The following ZNF782 variants were observed in gnomAD, a reference collection of about 807,000 sequenced individuals.
ZNF782 encodes the protein zinc finger protein 782.
ZNF782 carries 12 observed loss-of-function variants against 13.0 expected under a neutral mutation model. That is an observed-to-expected ratio of 0.92 (90% CI 0.59 to 1.50). The LOEUF (loss-of-function observed/expected upper bound fraction) is 1.50. Among genes scored for constraint, ZNF782 ranks in the 40% most tolerant of loss-of-function variants. ZNF782 has a pLI of 0.00. For synonymous variants in ZNF782, 284 were observed against 283.0 expected (o/e 1.00, Z -0.04); for missense variants, 770 against 822.9 (o/e 0.94, Z 0.79).
chr9:96,818,815 A>C lies in ZNF782; in HGVS notation c.1208T>G (p.Phe403Cys). Residue 403 changes from phenylalanine (F) to cysteine (C), a missense_variant, in exon 6 of 6, where the codon TTC becomes TGC. Physicochemically the swap from Phe to Cys is radical, Grantham distance 205. Transcript: ENST00000481138. Reference protein sequence around the residue: ...PYECPECGKAFSEKSRLRKHQ... With the variant: ...PYECPECGKACSEKSRLRKHQ... ...TTTTCTTAGGCGTGACTTCTCACTG[A>C]AGGCTTTCCCGCACTCAGGACATTC... 6.2e-7 allele frequency: 1 copy of C among 1,613,986 alleles called. No homozygotes were observed. The highest frequency in any genetic ancestry group is 1.3e-5 in the African/African-American group (1 of 74,984).
upstream of ZNF782, among the ~76,000 whole-genome samples, chr9:96,855,929 A>AT (rs1488277982): frequency 5.3e-5 from 8 of 151,930 alleles, no homozygotes; most frequent in African/African-American, 1.9e-4. Flanking sequence ...CTATTTTTTG[A>AT]TTTTTTGATT....
upstream of ZNF782, among the ~76,000 whole-genome samples, chr9:96,876,682 C>A (rs1851895347): frequency 6.6e-6 from 1 of 151,942 alleles, no homozygotes; most frequent in Non-Finnish European, 1.5e-5. Flanking sequence ...GAAACAAAAA[C>A]CAAAAAATAC....
upstream of ZNF782, among the ~76,000 whole-genome samples, chr9:96,858,912 C>CAAAGTGCAA (rs1368859334): frequency 6.6e-6 from 1 of 152,172 alleles, no homozygotes; most frequent in Admixed American, 6.5e-5. The surrounding 1 kb of genome is among the most constrained non-coding windows in gnomAD (Gnocchi z 4.4). Flanking sequence ...GCACTGAACT[C>CAAAGTGCAA]AGTGCTGCCT....
chr9:96,929,826 A>C, the ZNF782 span, among the ~76,000 whole-genome samples: 5 of 151,858 alleles, frequency 3.3e-5, no homozygotes, highest in African/African-American at 1.2e-4. Context: ...TGTGGAGGTG[A>C]AGAATTTGCT....
upstream of ZNF782, among the ~76,000 whole-genome samples, chr9:96,878,584 A>G (rs1851924221): frequency 6.6e-6 from 1 of 152,202 alleles, no homozygotes; most frequent in Non-Finnish European, 1.5e-5. Flanking sequence ...TTCTTTTAAC[A>G]TGTAAAATTG....
At chr9:96,828,372 T>A (rs1349992930) in intron 4 of ZNF782, among the ~76,000 whole-genome samples, 2 of 152,178 alleles carry the variant, frequency 1.3e-5, no homozygotes, top group African/African-American at 4.8e-5. Flanking sequence ...CTTAACTACA[T>A]CCCAGAAAAG....
At chr9:96,831,939 T>G (rs1369605828) in intron 4 of ZNF782, among the ~76,000 whole-genome samples, 2 of 152,184 alleles carry the variant, frequency 1.3e-5, no homozygotes, top group Non-Finnish European at 2.9e-5. Context: ...TTAGGTGAAT[T>G]TTAAAAACCA....
chr9:96,843,808 C>T (rs953463857), intron 4 of ZNF782, among the ~76,000 whole-genome samples: 3 of 151,774 alleles, frequency 2.0e-5, no homozygotes, highest in Admixed American at 1.3e-4. Flanking sequence ...AAAATATATG[C>T]AAAAAATCAA....
the ZNF782 span, among the ~76,000 whole-genome samples, chr9:96,920,291 G>A: frequency 6.8e-6 from 1 of 146,446 alleles, no homozygotes; most frequent in East Asian, 2.1e-4. Flanking sequence ...TTTTGAGATG[G>A]AGTCTCCCTC....
upstream of ZNF782, among the ~76,000 whole-genome samples, chr9:96,877,561 TC>T (rs1851909336): frequency 6.6e-6 from 1 of 152,216 alleles, no homozygotes; most frequent in South Asian, 2.1e-4. Flanking sequence ...ACTGGGGGCT[TC>T]CCCATAGGCC....
intron 4 of ZNF782, among the ~76,000 whole-genome samples, chr9:96,838,876 T>A (rs957273529): frequency 6.6e-6 from 1 of 151,892 alleles, no homozygotes; most frequent in African/African-American, 2.4e-5. Flanking sequence ...CCACCACGCC[T>A]GGCTAATTTT....
the ZNF782 span, chr9:96,892,319 T>C: frequency 6.6e-6 from 1 of 152,222 alleles, no homozygotes; most frequent in Admixed American, 6.5e-5. Context: ...ATGTGGCATA[T>C]GCACACAATG....
At chr9:96,931,730 G>A in the ZNF782 span, 54 of 1,611,560 alleles carry the variant, frequency 3.4e-5, 1 homozygote, top group African/African-American at 5.8e-4. Context: ...AGCATACCCA[G>A]TGCTGGGACC....
At chr9:96,868,362 A>G (rs1004283693) in intron 1 of ZNF782, among the ~76,000 whole-genome samples, 5 of 152,338 alleles carry the variant, frequency 3.3e-5, no homozygotes, top group African/African-American at 1.2e-4. Flanking sequence ...GTGTGTTATC[A>G]TAGGTCTTGG....
intron 1 of ZNF782, among the ~76,000 whole-genome samples, chr9:96,868,587 T>C (rs1851788872): frequency 6.6e-6 from 1 of 152,258 alleles, no homozygotes; most frequent in Admixed American, 6.5e-5. Context: ...ATGTAGTTTT[T>C]CTACGTATTA....
At position 96,846,990 on chromosome 9, in the gene ZNF782, T is replaced by C. The variant is rs776069315; in HGVS notation, c.16-1974A>G. On this transcript the variant is annotated intron_variant, in intron 3 of 5. Coordinates refer to ENST00000481138, the MANE Select transcript of ZNF782 (RefSeq NM_001001662.3). The stretch of plus-strand genomic sequence containing the variant: ...AAAAATCGAAATCATATCAAGTATC[T>C]ACTCAGATCACAGCAGAATAAAACT... Among the ~76,000 whole-genome samples, 7 of 152,168 alleles carry C rather than the reference T, an allele frequency of 4.6e-5. No homozygotes were observed. The East Asian group carries it at 1.3e-3, about 29-fold the overall frequency.
At chr9:96,819,803 C>A in intron 5 of ZNF782, 25 bp from the exon 6 acceptor site, 1 of 1,521,652 alleles carries the variant, frequency 6.6e-7, no homozygotes, top group African/African-American at 1.4e-5. Flanking sequence ...ATTAAACAAA[C>A]TTTATGATAT....
chr9:96,930,872 GTTTTTTTTTTTTTTTTTTTT>G, the ZNF782 span, among the ~76,000 whole-genome samples: 196 of 72,670 alleles, frequency 2.7e-3, 1 homozygote, highest in African/African-American at 6.0e-3. Flanking sequence ...CCATCCAGTG[GTTTTTTTTTTTTTTTTTTTT>G]TTTTTTTTTT....
chr9:96,906,236 C>CA, the ZNF782 span, among the ~76,000 whole-genome samples: 1 of 151,706 alleles, frequency 6.6e-6, no homozygotes, highest in Non-Finnish European at 1.5e-5. Flanking sequence ...CTCACCAACA[C>CA]AGAGTACTTC....
Sources: gnomAD v4.1 joint callset for allele counts (sites outside exome capture counted in the v4.1 genomes callset) on GRCh38, gnomAD v4.1.1 for gene constraint, Gnocchi (gnomAD v3.1) non-coding constraint, MANE v1.5 for transcripts, NCBI Gene and HGNC (gene_info 2026-07-23, HGNC 2026-07-21) for gene names.